Variants in SPNS2 observed in about 807,000 individuals in gnomAD.
SPNS2 encodes SPNS lysolipid transporter 2, sphingosine-1-phosphate, also known as sphingosine-1-phosphate transporter SPNS2.
In SPNS2, 37 loss-of-function variants were observed where a neutral mutation model predicts 57.6. That is an observed-to-expected ratio of 0.64 (90% confidence interval 0.49 to 0.85). The LOEUF (loss-of-function observed/expected upper bound fraction) is 0.85. Among genes scored for constraint, SPNS2 ranks in the 40% least tolerant of loss-of-function variants. The pLI, the probability that SPNS2 is intolerant of heterozygous loss-of-function variation, is 0.00. For missense variants in SPNS2, 831 were observed against 779.1 expected (o/e 1.07, Z -0.79); for synonymous variants, 440 against 346.9 (o/e 1.27, Z -2.98).
chr17:4,522,977 C>T (rs892288218), intron 2 of SPNS2, among the ~76,000 whole-genome samples: 2 of 152,240 alleles, frequency 1.3e-5, no homozygotes, highest in African/African-American at 4.8e-5. Flanking sequence ...ACAGTCATCA[C>T]AGTGGGCTCC....
chr17:4,498,916 G>A lies in SPNS2; in HGVS notation c.-132G>A, dbSNP rs982588383. On this transcript the variant is annotated 5_prime_UTR_variant, in exon 1 of 13. Transcript: ENST00000329078. ...GAGCGGTGGCAGCGCCGCAGCCGGG[G>A]CCGGAGCGCAGGAGCCGACGGGGCC... The A allele has an allele frequency of 2.5e-6, 1 of 395,094 alleles. No individual in the cohort carries two copies. The highest frequency in any genetic ancestry group is 2.2e-5 in the African/African-American group (1 of 45,432). 24.5% of individuals were successfully genotyped at this position (395,094 alleles called of 1,614,324 possible).
Position 4,537,901 on chromosome 17 carries a change from C to G in SPNS2, c.*453C>G. The G allele has an allele frequency of 2.4e-6, 1 of 417,152 alleles. No individual in the cohort carries two copies. The highest frequency in any genetic ancestry group is 4.9e-6 in the Non-Finnish European group (1 of 203,182). The allele number at this position is 417,152 out of a possible 1,614,324, so 25.8% of individuals were successfully genotyped here. A position where few individuals can be genotyped will look rare whatever the true frequency, so the allele number is the denominator to read the frequency against. The stretch of plus-strand genomic sequence containing the variant: ...AACAGACCCTGGACCATACGGAGAG[C>G]AGGTGGCCCAGGCCTCAGGGCGGCA... On this transcript the variant is annotated 3_prime_UTR_variant, in exon 13 of 13. Transcript: ENST00000329078.
In SPNS2 at chr17:4,499,199, C is replaced by G; in HGVS notation, c.152C>G (p.Ser51Trp). 1 of 1,377,576 alleles carries G rather than the reference C, an allele frequency of 7.3e-7. No homozygotes were observed. Among genetic ancestry groups the G allele is most frequent in the African/African-American group, 1.5e-5 (1 of 66,062 alleles). The allele number at this position is 1,377,576 out of a possible 1,614,324, so 85.3% of individuals were successfully genotyped here. A position where few individuals can be genotyped will look rare whatever the true frequency, so the allele number is the denominator to read the frequency against. Reference protein sequence around the residue: ...GARGAGGAGVSAAGDEVQTLS... With the variant: ...GARGAGGAGVWAAGDEVQTLS... The stretch of plus-strand genomic sequence containing the variant: ...CGGGGCGCGGGCGGCGCTGGAGTCT[C>G]GGCCGCGGGCGATGAGGTGCAGACG... Residue 51 changes from serine (S) to tryptophan (W), a missense_variant, in exon 1 of 13, where the codon TCG becomes TGG. Transcript: ENST00000329078. The surrounding 1 kb of genome is among the most constrained non-coding windows in gnomAD (Gnocchi z 5.2).
At chr17:4,522,555 CCT>C (rs914890920) in intron 2 of SPNS2, among the ~76,000 whole-genome samples, 1 of 152,224 alleles carries the variant, frequency 6.6e-6, no homozygotes, top group Non-Finnish European at 1.5e-5. Flanking sequence ...CTCTCTTTCA[CCT>C]CTCTCTTTTC....
rs886648828 is a variant in SPNS2 at position 4,536,732 on chromosome 17, T to C, written c.1608-168T>C. On this transcript the variant is annotated intron_variant, in intron 11 of 12. Coordinates refer to ENST00000329078, the MANE Select transcript of SPNS2 (RefSeq NM_001124758.3). ...CTTTCTCCTTTCCTCTTTACTCCTC[T>C]CTCTCTCCTCTCCCCACCCCTGGGC... 39 of 660,820 alleles carry C rather than the reference T, an allele frequency of 5.9e-5. 1 individual carries two copies. The highest frequency in any genetic ancestry group is 2.7e-5 in the Admixed American group (1 of 37,524). The allele number at this position is 660,820 out of a possible 1,614,324, so 40.9% of individuals were successfully genotyped here.
chr17:4,523,376 T>C (rs558638414), intron 2 of SPNS2, among the ~76,000 whole-genome samples: 3 of 152,298 alleles, frequency 2.0e-5, no homozygotes, highest in East Asian at 3.9e-4. Context: ...AGGCGGAGGT[T>C]GCAGTGAGCG....
chr17:4,531,132 T>C lies in SPNS2; in HGVS notation c.792+13T>C. ...CTGGGCATTGCGGGTAAGCCCTACG[T>C]CCCTTCCCATGAGGACACCCTCCGG... On this transcript the variant is annotated intron_variant, in intron 5 of 12. Coordinates refer to ENST00000329078, the MANE Select transcript of SPNS2 (RefSeq NM_001124758.3). The C allele has an allele frequency of 6.2e-7, 1 of 1,613,746 alleles. No individual in the cohort carries two copies.
rs1244848835 is a variant in SPNS2, at chr17:4,499,859, GC to G, written c.370+444del. On this transcript the variant is annotated intron_variant, in intron 1 of 12. Coordinates refer to ENST00000329078, the MANE Select transcript of SPNS2 (RefSeq NM_001124758.3). The surrounding 1 kb of genome is among the most constrained non-coding windows in gnomAD (Gnocchi z 5.2). ...GGCCCGTCAGTTCCTTCCTTTCTCCGCCGCCTCCACCCCCCTGCGTGCGTGC... is the reference window on the plus strand; with the variant it reads ...GGCCCGTCAGTTCCTTCCTTTCTCCGCGCCTCCACCCCCCTGCGTGCGTGC... 6.6e-6 allele frequency among the ~76,000 whole-genome samples: 1 copy of G among 152,170 alleles called. No homozygotes were observed. The highest frequency in any genetic ancestry group is 1.9e-4 in the East Asian group (1 of 5,160).
intron 1 of SPNS2, among the ~76,000 whole-genome samples, chr17:4,501,874 C>T (rs1330433068): frequency 6.6e-6 from 1 of 152,088 alleles, no homozygotes; most frequent in South Asian, 2.1e-4. Context: ...GAAGGGAGGT[C>T]CCACTCTCCT....
rs942168502 is a variant in SPNS2, at chr17:4,536,498, G to A, written c.1607+72G>A. ...GACCGTGATAGCCACCGTGAGCCCTGCCCTGGGGTGGGGCGGGGAGGGTAC... is the reference window on the plus strand; with the variant it reads ...GACCGTGATAGCCACCGTGAGCCCTACCCTGGGGTGGGGCGGGGAGGGTAC... On this transcript the variant is annotated intron_variant, in intron 11 of 12. Coordinates refer to ENST00000329078, the MANE Select transcript of SPNS2 (RefSeq NM_001124758.3). 7 of 1,512,912 alleles carry A rather than the reference G, an allele frequency of 4.6e-6. No individual in the cohort carries two copies. The East Asian group carries it at 6.8e-5, about 15-fold the overall frequency. The allele number at this position is 1,512,912 out of a possible 1,614,324, so 93.7% of individuals were successfully genotyped here.
chr17:4,518,969 C>G (rs181015412), intron 2 of SPNS2, among the ~76,000 whole-genome samples: 1 of 152,194 alleles, frequency 6.6e-6, no homozygotes, highest in Non-Finnish European at 1.5e-5. Flanking sequence ...GTGTTCCCGT[C>G]CTTCCACCGG....
intron 2 of SPNS2, among the ~76,000 whole-genome samples, chr17:4,520,065 G>C (rs1905101044): frequency 1.3e-5 from 2 of 152,246 alleles, no homozygotes; most frequent in South Asian, 4.1e-4. Flanking sequence ...TGAGGGGCAG[G>C]CTGGTCCAGA....
chr17:4,503,457 C>T (rs1224011076), intron 1 of SPNS2, among the ~76,000 whole-genome samples: 2 of 152,224 alleles, frequency 1.3e-5, no homozygotes, highest in Admixed American at 1.3e-4. Flanking sequence ...GGGGGTCTCA[C>T]GCCCCCTCTA....
At chr17:4,536,538 C>G in intron 11 of SPNS2, 112 bp downstream of exon 11, 1 of 1,282,742 alleles carries the variant, frequency 7.8e-7, no homozygotes, top group Non-Finnish European at 1.1e-6. Context: ...CTCCCATGCA[C>G]TCAGTGCACC....
At chr17:4,529,922 G>A (rs1905389574) in intron 3 of SPNS2, among the ~76,000 whole-genome samples, 1 of 152,180 alleles carries the variant, frequency 6.6e-6, no homozygotes, top group Non-Finnish European at 1.5e-5. Flanking sequence ...CCGGGGGAGG[G>A]CTGGACGCGG....
chr17:4,513,223 G>A (rs762019373), intron 1 of SPNS2, 24 bp from the exon 2 acceptor site: 8 of 1,613,180 alleles, frequency 5.0e-6, no homozygotes, highest in Non-Finnish European at 6.8e-6. Flanking sequence ...CTCGGCCAGT[G>A]AGCACCCTCT....
intron 3 of SPNS2, among the ~76,000 whole-genome samples, chr17:4,528,148 A>G (rs917541462): frequency 7.3e-5 from 11 of 150,988 alleles, no homozygotes; most frequent in Admixed American, 7.3e-4. Context: ...TCAGCCTCCC[A>G]AGTAGCTGGG....
At chr17:4,535,754 C>T (rs563421847) in intron 9 of SPNS2, among the ~76,000 whole-genome samples, 37 of 152,186 alleles carry the variant, frequency 2.4e-4, no homozygotes, top group African/African-American at 5.5e-4. Context: ...AGGCCAATGA[C>T]GCTTTCAGTA....
rs533809541 is a variant in SPNS2 at position 4,533,866 on chromosome 17, G to C, written c.1344+13G>C. The C allele has an allele frequency of 6.2e-7, 1 of 1,612,096 alleles. No homozygotes were observed. Among genetic ancestry groups the C allele is most frequent in the East Asian group, 2.2e-5 (1 of 44,880 alleles). On this transcript the variant is annotated intron_variant, in intron 9 of 12. Transcript: ENST00000329078. ...AGACATCCTCATGGTGAGCCAGGCA[G>C]GCCGAGGTCACCTTGTGCTGCTGAC...
Sources: allele counts gnomAD v4.1 joint callset (sites outside exome capture counted in the v4.1 genomes callset), GRCh38; gene constraint gnomAD v4.1.1; non-coding constraint Gnocchi (gnomAD v3.1); transcripts MANE v1.5; gene names NCBI Gene and HGNC (gene_info 2026-07-23, HGNC 2026-07-21).